The following BCCIP variants were observed in gnomAD, a reference collection of about 807,000 sequenced individuals.
BCCIP encodes the protein BRCA2 and CDKN1A interacting protein, also known as BRCA2 and CDKN1A-interacting protein.
In BCCIP, 23 loss-of-function variants were observed where a neutral mutation model predicts 32.8. The ratio of observed to expected loss-of-function variants is 0.70; its 90% CI spans 0.51 to 0.99. The LOEUF is 0.99. BCCIP is among the 50% of genes least tolerant of loss of function. BCCIP has a pLI of 0.00. For missense variants in BCCIP, 378 were observed against 379.8 expected, an observed-to-expected ratio of 1.00 and a Z score of 0.04; for synonymous variants, 144 against 137.6, an observed-to-expected ratio of 1.05 and a Z score of -0.33.
At chr10:125,835,294 A>C (rs1485271233) in intron 6 of BCCIP, among the ~76,000 whole-genome samples, 5 of 151,152 alleles carry the variant, frequency 3.3e-5, no homozygotes, top group Non-Finnish European at 7.4e-5. Context: ...TTTTTAAAAA[A>C]CATAGGCCGG....
rs764363655 is a variant in BCCIP, at chr10:125,823,596, G to A, written c.39G>A (p.Gly13=). 6.2e-7 allele frequency: 1 copy of A among 1,614,064 alleles called. No individual in the cohort carries two copies. Among genetic ancestry groups the A allele is most frequent in the Admixed American group, 1.7e-5 (1 of 60,020 alleles). ...SRSKRRAVES[G]VPQPPDPPVQ... is the part of the protein sequence containing the mutation. ...CTAAGCGGCGTGCCGTGGAAAGTGG[G>A]GTTCCGCAGCCGCCGGATCCCCCAG... The change falls in exon 1 of 7, where the codon GGG becomes GGA. Residue 13 remains glycine (G), a synonymous_variant. Transcript: ENST00000278100.
downstream of BCCIP, among the ~76,000 whole-genome samples, chr10:125,845,186 T>C (rs1429683254): frequency 6.6e-6 from 1 of 152,166 alleles, no homozygotes; most frequent in East Asian, 1.9e-4. Flanking sequence ...ATGTTTCCCA[T>C]GTTCTTATAG....
At chr10:125,844,199 G>A (rs1854953290), downstream of BCCIP, among the ~76,000 whole-genome samples, 3 of 152,238 alleles carry the variant, frequency 2.0e-5, 1 homozygote, top group Admixed American at 2.0e-4. Context: ...CCGATCTGCT[G>A]GAGAAGGTAC....
At chr10:125,830,220 A>C (rs558597894) in intron 3 of BCCIP, among the ~76,000 whole-genome samples, 13 of 152,386 alleles carry the variant, frequency 8.5e-5, no homozygotes, top group African/African-American at 3.1e-4. Context: ...CATGAGGTTT[A>C]TCTCTTCTGG....
At chr10:125,845,909 G>A (rs1944010438), downstream of BCCIP, among the ~76,000 whole-genome samples, 1 of 152,182 alleles carries the variant, frequency 6.6e-6, no homozygotes, top group African/African-American at 2.4e-5. Context: ...CCCGTGACAT[G>A]GAAGGAAACA....
Position 125,833,866 on chromosome 10 carries a change from A to T in BCCIP, c.694A>T (p.Asn232Tyr). ...ISKTFVEAGK[N>Y]NSKKKPSNKK... Reference sequence around the variant, plus strand: ...TAAGACATTTGTGGAAGCAGGAAAAAACAATTCCAAAAAGAAACCTAGCAA... The same window carrying T: ...TAAGACATTTGTGGAAGCAGGAAAATACAATTCCAAAAAGAAACCTAGCAA... The change falls in exon 6 of 7, where the codon AAC becomes TAC. Residue 232 changes from asparagine (N) to tyrosine (Y), a missense_variant. Asn to Tyr is a moderately radical substitution (Grantham distance 143). Transcript: ENST00000278100. 1 of 1,614,242 alleles carries T rather than the reference A, an allele frequency of 6.2e-7. No individual in the cohort carries two copies. Among genetic ancestry groups the T allele is most frequent in the Non-Finnish European group, 8.5e-7 (1 of 1,180,034 alleles).
chr10:125,823,761 GA>G (rs1230077730), intron 1 of BCCIP, 39 bp downstream of exon 1: 1 of 1,606,716 alleles, frequency 6.2e-7, no homozygotes, highest in African/African-American at 1.3e-5. Flanking sequence ...TTATACCTGA[GA>G]AAAACTTTTT....
downstream of BCCIP, among the ~76,000 whole-genome samples, chr10:125,837,347 G>C (rs1854726013): frequency 6.6e-6 from 1 of 152,242 alleles, no homozygotes; most frequent in Non-Finnish European, 1.5e-5. Context: ...TCCAGACTCT[G>C]TACTGGCCTC....
At chr10:125,838,426 A>G, downstream of BCCIP, 3 of 1,503,862 alleles carry the variant, frequency 2.0e-6, no homozygotes, top group Non-Finnish European at 1.8e-6. Flanking sequence ...ATTTTGTATT[A>G]ATATGGAGAT....
intron 6 of BCCIP, among the ~76,000 whole-genome samples, chr10:125,835,300 G>A (rs1240750832): frequency 6.6e-6 from 1 of 151,946 alleles, no homozygotes; most frequent in African/African-American, 2.4e-5. Context: ...AAAAACATAG[G>A]CCGGGTGCGG....
At chr10:125,848,051 C>T (rs1944047074) in intron 7 of BCCIP, among the ~76,000 whole-genome samples, 1 of 152,120 alleles carries the variant, frequency 6.6e-6, no homozygotes, top group Non-Finnish European at 1.5e-5. Context: ...CATAAATGGA[C>T]AGAGAAAAAT....
chr10:125,825,291 C>G (rs1008012574), intron 1 of BCCIP, among the ~76,000 whole-genome samples: 6 of 134,458 alleles, frequency 4.5e-5, no homozygotes, highest in African/African-American at 1.6e-4. Flanking sequence ...CGCCCATTTC[C>G]CTGGTGGTGC....
At chr10:125,842,455 C>CA (rs1039256878) in exon 7 of BCCIP, 2 of 152,326 alleles carry the variant, frequency 1.3e-5, no homozygotes, top group African/African-American at 4.8e-5. Flanking sequence ...GGCCTGTTCC[C>CA]ACCACCCTAG....
exon 7 of BCCIP, chr10:125,842,795 G>C (rs1479139735): frequency 2.1e-6 from 2 of 950,618 alleles, no homozygotes; most frequent in East Asian, 2.3e-4. Flanking sequence ...AAGAAATAAA[G>C]ATAGCAAGCT....
At chr10:125,849,637 G>A (rs531296993) in intron 7 of BCCIP, among the ~76,000 whole-genome samples, 5 of 152,302 alleles carry the variant, frequency 3.3e-5, no homozygotes, top group Admixed American at 6.5e-5. Flanking sequence ...CAGTCCTGCC[G>A]GTAGGTGTCA....
intron 7 of BCCIP, among the ~76,000 whole-genome samples, chr10:125,849,735 G>A (rs1776405723): frequency 6.6e-6 from 1 of 152,142 alleles, no homozygotes; most frequent in South Asian, 2.1e-4. Flanking sequence ...ACATGTAAAT[G>A]TTATATATAG....
At chr10:125,848,304 C>G (rs937721715) in intron 7 of BCCIP, among the ~76,000 whole-genome samples, 3 of 152,086 alleles carry the variant, frequency 2.0e-5, no homozygotes, top group Non-Finnish European at 4.4e-5. Flanking sequence ...GGACATGTTC[C>G]CAAAACCTGG....
At chr10:125,836,002 T>TA (rs1465589653) in intron 6 of BCCIP, 102 bp from the exon 7 acceptor site, 1 of 1,069,554 alleles carries the variant, frequency 9.3e-7, no homozygotes, top group Non-Finnish European at 1.4e-6. Flanking sequence ...CTCTCATTCT[T>TA]ATTTAAGCAT....
chr10:125,829,906 C>T (rs1038429665), intron 3 of BCCIP, among the ~76,000 whole-genome samples: 10 of 152,232 alleles, frequency 6.6e-5, no homozygotes, highest in Middle Eastern at 3.2e-3. Flanking sequence ...TCTCCAGAGA[C>T]ACTTGAGGTG....
Sources: allele counts gnomAD v4.1 joint callset (sites outside exome capture counted in the v4.1 genomes callset), GRCh38; gene constraint gnomAD v4.1.1; transcripts MANE v1.5; gene names NCBI Gene and HGNC (gene_info 2026-07-23, HGNC 2026-07-21).